FHOD3: variants seen among roughly 807,000 people sequenced by gnomAD.
FHOD3 encodes the protein FH1/FH2 domain-containing protein 3.
A neutral mutation model predicts 173.0 loss-of-function variants in FHOD3; 90 were observed. The observed-to-expected ratio is 0.52, with a 90% confidence interval of 0.44 to 0.62. The LOEUF (loss-of-function observed/expected upper bound fraction) is 0.62, where lower values mean the gene tolerates loss of function less well. Among genes scored for constraint, FHOD3 ranks in the 20% least tolerant of loss-of-function variants. The pLI is 0.00. For missense variants in FHOD3, 1,945 were observed against 2,034.7 expected (o/e 0.96, Z 0.85); for synonymous variants, 828 against 823.0 (o/e 1.01, Z -0.10).
At chr18:36,507,192 G>T (rs2055352691) in intron 4 of FHOD3, among the ~76,000 whole-genome samples, 1 of 152,242 alleles carries the variant, frequency 6.6e-6, no homozygotes, top group Admixed American at 6.5e-5. Flanking sequence ...AGTGGTGGTG[G>T]TGCCAAACTA....
chr18:36,456,927 C>G (rs1599197597), intron 3 of FHOD3, among the ~76,000 whole-genome samples: 1 of 152,214 alleles, frequency 6.6e-6, no homozygotes. Context: ...TAAGGAATCT[C>G]CCTTTTAATT....
chr18:36,573,443 GA>G (rs58181229), intron 5 of FHOD3, among the ~76,000 whole-genome samples: 24,571 of 141,006 alleles, frequency 0.17, 2,108 homozygotes, highest in East Asian at 0.26. Flanking sequence ...TATCTCTACA[GA>G]AAAAAAAAAA....
In FHOD3 at chr18:36,718,177, C is replaced by T. The variant is rs557679911; in HGVS notation, c.2879C>T (p.Pro960Leu). ...GRGSISPDAEPNDKVPETAPV... is the reference protein window; with the variant it reads ...GRGSISPDAELNDKVPETAPV... ...GGTTCCATCTCCCCTGATGCTGAGC[C>T]CAATGACAAGGTCCCAGAAACAGCG... Residue 960 changes from proline (P) to leucine (L), a missense_variant, in exon 19 of 29, where the codon CCC becomes CTC. Coordinates refer to ENST00000590592, the MANE Select transcript of FHOD3 (RefSeq NM_001281740.3). 4.2e-5 allele frequency: 68 copies of T among 1,612,768 alleles called. No individual in the cohort carries two copies. The highest frequency in any genetic ancestry group is 5.3e-5 in the Non-Finnish European group (62 of 1,179,370).
At chr18:36,733,160 C>T (rs1486484964) in intron 20 of FHOD3, among the ~76,000 whole-genome samples, 1 of 152,208 alleles carries the variant, frequency 6.6e-6, no homozygotes, top group East Asian at 1.9e-4. Flanking sequence ...GTTATTTGCT[C>T]TTTTGCTGTC....
At chr18:36,575,942 A>G (rs1004730202) in intron 5 of FHOD3, among the ~76,000 whole-genome samples, 1 of 152,234 alleles carries the variant, frequency 6.6e-6, no homozygotes, top group Admixed American at 6.5e-5. Flanking sequence ...GGAATTACTC[A>G]TAATATTTAA....
At position 36,702,740 on chromosome 18, in the gene FHOD3, T is replaced by C. The variant is rs117265482; in HGVS notation, c.2237-6355T>C. Among the ~76,000 whole-genome samples the C allele has an allele frequency of 3.6e-3, 553 of 152,368 alleles. 1 individual carries two copies. Among genetic ancestry groups the C allele is most frequent in the Non-Finnish European group, 6.0e-3 (410 of 68,028 alleles). On this transcript the variant is annotated intron_variant, in intron 17 of 28. Coordinates refer to ENST00000590592, the MANE Select transcript of FHOD3 (RefSeq NM_001281740.3). ...AAAATTGCATAACCAGAAATTCTAA[T>C]TGGACACTCTGAACTCGGCTGTCAG...
At chr18:36,310,984 C>CA (rs1226800887) in intron 1 of FHOD3, among the ~76,000 whole-genome samples, 1 of 151,604 alleles carries the variant, frequency 6.6e-6, no homozygotes, top group Non-Finnish European at 1.5e-5. Context: ...TCAATGACCA[C>CA]AAACTGAATA....
In FHOD3 at chr18:36,652,860, TCTC is replaced by T. The variant is rs1205890585; in HGVS notation, c.1580_1582del (p.Ser527del). On this transcript the variant is annotated inframe_deletion, in exon 12 of 29. Coordinates refer to ENST00000590592, the MANE Select transcript of FHOD3 (RefSeq NM_001281740.3). The stretch of plus-strand genomic sequence containing the variant: ...GTGCCCCACAGCCCCTTCCACCTCT[TCTC>T]CTATGACTTTGAGGACTCCTCCCTG... 5 of 1,535,684 alleles carry T rather than the reference TCTC, an allele frequency of 3.3e-6. No individual in the cohort carries two copies. The South Asian group carries it at 4.8e-5, about 15-fold the overall frequency.
intron 27 of FHOD3, 39 bp from the exon 28 acceptor site, chr18:36,769,226 T>C (rs2043268637): frequency 6.2e-7 from 1 of 1,604,504 alleles, no homozygotes; most frequent in African/African-American, 1.3e-5. Context: ...TGTGTTTTCC[T>C]TCTGAGTATG....
chr18:36,767,041 TA>T (rs1378267534), intron 27 of FHOD3, among the ~76,000 whole-genome samples: 2 of 152,210 alleles, frequency 1.3e-5, no homozygotes, highest in Non-Finnish European at 2.9e-5. Context: ...AGGCCCAGTC[TA>T]AAAGCTGTGG....
chr18:36,298,148 C>G, intron 1 of FHOD3, 148 bp downstream of exon 1: 1 of 693,920 alleles, frequency 1.4e-6, no homozygotes, highest in South Asian at 2.7e-5. Flanking sequence ...TCCCCCTCCC[C>G]GTTAGACAGA....
Position 36,652,893 on chromosome 18 carries a change from C to T in FHOD3, c.1610C>T (p.Thr537Ile), listed in dbSNP as rs1469333478. 2 of 1,535,090 alleles carry T rather than the reference C, an allele frequency of 1.3e-6. No individual in the cohort carries two copies. The highest frequency in any genetic ancestry group is 2.4e-5 in the East Asian group (1 of 40,884). Residue 537 changes from threonine to isoleucine, a missense_variant, in exon 12 of 29, where the codon ACC (threonine) becomes ATC (isoleucine). Coordinates refer to ENST00000590592, the MANE Select transcript of FHOD3 (RefSeq NM_001281740.3). ...GACTTTGAGGACTCCTCCCTGTCCA[C>T]CAAGGAGAAGGAAGCAGAGTCCCAG... ...SYDFEDSSLSTKEKEAESQKE... is the reference protein window; with the variant it reads ...SYDFEDSSLSIKEKEAESQKE...
intron 1 of FHOD3, among the ~76,000 whole-genome samples, chr18:36,317,641 G>T (rs1376127170): frequency 1.3e-5 from 2 of 152,080 alleles, no homozygotes; most frequent in Non-Finnish European, 2.9e-5. Context: ...TTGTCAGATG[G>T]ATAGATTGCA....
intron 20 of FHOD3, among the ~76,000 whole-genome samples, chr18:36,737,390 T>G (rs747096584): frequency 6.6e-6 from 1 of 152,224 alleles, no homozygotes; most frequent in Non-Finnish European, 1.5e-5. Flanking sequence ...TTTTGAAGAC[T>G]AATTGAGTTT....
At position 36,405,376 on chromosome 18, in the gene FHOD3, GATCAA is replaced by G. The variant is rs2049007892; in HGVS notation, c.337+32637_337+32641del. On this transcript the variant is annotated intron_variant, in intron 3 of 28. Coordinates refer to ENST00000590592, the MANE Select transcript of FHOD3 (RefSeq NM_001281740.3). ...CAATTGCAGAAGGATTTATTTCAAA[GATCAA>G]ATCATATTTTAAAGCTATGGAGATA... 3.3e-5 allele frequency among the ~76,000 whole-genome samples: 5 copies of G among 152,200 alleles called. No individual in the cohort carries two copies. In the South Asian group the frequency reaches 1.0e-3, roughly 32 times the overall value.
At chr18:36,738,736 T>C (rs1364676768) in intron 20 of FHOD3, among the ~76,000 whole-genome samples, 1 of 152,242 alleles carries the variant, frequency 6.6e-6, no homozygotes, top group East Asian at 1.9e-4. Flanking sequence ...TCAAAATCAA[T>C]GGGCCACATT....
At chr18:36,629,417 C>G (rs1348741255) in intron 10 of FHOD3, among the ~76,000 whole-genome samples, 2 of 152,186 alleles carry the variant, frequency 1.3e-5, no homozygotes, top group Non-Finnish European at 2.9e-5. Flanking sequence ...GAAAACCACT[C>G]TTAGCTCACA....
chr18:36,339,878 G>T (rs987962565), intron 1 of FHOD3, among the ~76,000 whole-genome samples: 2 of 152,130 alleles, frequency 1.3e-5, no homozygotes, highest in African/African-American at 4.8e-5. Flanking sequence ...TGAACATTAG[G>T]CCCCACATTT....
chr18:36,555,100 C>G (rs1257606669), intron 5 of FHOD3, among the ~76,000 whole-genome samples: 1 of 152,188 alleles, frequency 6.6e-6, no homozygotes, highest in Admixed American at 6.5e-5. Context: ...TTAACCAGCT[C>G]TTATTTTTCT....
Sources: allele counts gnomAD v4.1 joint callset (sites outside exome capture counted in the v4.1 genomes callset), GRCh38; gene constraint gnomAD v4.1.1; transcripts MANE v1.5; gene names NCBI Gene and HGNC (gene_info 2026-07-23, HGNC 2026-07-21).